UPK1B: variants seen among roughly 807,000 people sequenced by gnomAD.
UPK1B encodes uroplakin-1b.
A neutral mutation model predicts 34.2 loss-of-function variants in UPK1B; 28 were observed. That is an observed-to-expected ratio of 0.82 (90% CI 0.61 to 1.12). The LOEUF (loss-of-function observed/expected upper bound fraction) is 1.12. Among genes scored for constraint, UPK1B ranks in the 50% most tolerant of loss-of-function variants. UPK1B has a pLI of 0.00. For synonymous variants in UPK1B, 81 were observed against 110.4 expected, an observed-to-expected ratio of 0.73 and a Z score of 1.67; for missense variants, 325 against 320.9, an observed-to-expected ratio of 1.01 and a Z score of -0.10.
At position 119,203,785 on chromosome 3, in the gene UPK1B, GAAAT is replaced by G. The variant is rs909022901; in HGVS notation, c.733-128_733-125del. 7.6e-6 allele frequency: 7 copies of G among 922,214 alleles called. No individual in the cohort carries two copies. The African/African-American group carries it at 1.2e-4, about 16-fold the overall frequency. The allele number at this position is 922,214 out of a possible 1,614,324, so 57.1% of individuals were successfully genotyped here. A position where few individuals can be genotyped will look rare whatever the true frequency, so the allele number is the denominator to read the frequency against. ...CTGTTTTTGTTTTGGTTTTTTAGAA[GAAAT>G]AAAAACAAACAAACAAAAAAATCTG... On this transcript the variant is annotated intron_variant, in intron 7 of 7. Coordinates refer to ENST00000264234, the MANE Select transcript of UPK1B (RefSeq NM_006952.4).
chr3:119,186,780 C>T lies in UPK1B; in HGVS notation c.39C>T (p.Gly13=). ...KDNSTVRCFQ[G]LLIFGNVIIG... Reference sequence around the variant, plus strand: ...ACTCAACTGTTCGTTGCTTCCAGGGCCTGCTGATTTTTGGAAATGTGATTA... The same window carrying T: ...ACTCAACTGTTCGTTGCTTCCAGGGTCTGCTGATTTTTGGAAATGTGATTA... The change falls in exon 2 of 8, where the codon GGC becomes GGT. Residue 13 remains glycine, a synonymous_variant. Coordinates refer to ENST00000264234, the MANE Select transcript of UPK1B (RefSeq NM_006952.4). 6.2e-7 allele frequency: 1 copy of T among 1,614,044 alleles called. No individual in the cohort carries two copies. The highest frequency in any genetic ancestry group is 8.5e-7 in the Non-Finnish European group (1 of 1,180,010).
intron 5 of UPK1B, among the ~76,000 whole-genome samples, chr3:119,192,440 A>G (rs1196943617): frequency 6.6e-6 from 1 of 152,086 alleles, no homozygotes; most frequent in Non-Finnish European, 1.5e-5. Context: ...AACCATGATC[A>G]TTTCAATTTA....
chr3:119,186,988 G>T (rs1229346124), intron 2 of UPK1B, among the ~76,000 whole-genome samples, 178 bp downstream of exon 2: 2 of 152,198 alleles, frequency 1.3e-5, no homozygotes, highest in Non-Finnish European at 2.9e-5. Flanking sequence ...TATGTCAAAA[G>T]ATCATGGTTG....
intron 6 of UPK1B, among the ~76,000 whole-genome samples, chr3:119,197,773 T>A (rs4472046): frequency 0.99 from 150,403 of 152,276 alleles, 74,309 homozygotes; most frequent in Middle Eastern, 1. Flanking sequence ...CAGGCCCAAA[T>A]AGGCCATGAG....
At chr3:119,195,549 G>T (rs1488821507) in intron 6 of UPK1B, among the ~76,000 whole-genome samples, 1 of 152,194 alleles carries the variant, frequency 6.6e-6, no homozygotes, top group Non-Finnish European at 1.5e-5. Flanking sequence ...CTGCAACATT[G>T]TCTGGCATTG....
intron 6 of UPK1B, among the ~76,000 whole-genome samples, chr3:119,196,277 CCCTCTTGCCAT>C (rs1355193879): frequency 2.0e-5 from 3 of 152,022 alleles, no homozygotes; most frequent in Non-Finnish European, 4.4e-5. Context: ...TTGCTAAGTC[CCCTCTTGCCAT>C]CCTTTTCCAC....
intron 1 of UPK1B, among the ~76,000 whole-genome samples, chr3:119,185,032 C>T (rs1419687225): frequency 1.3e-5 from 2 of 152,208 alleles, no homozygotes; most frequent in African/African-American, 4.8e-5. Context: ...TGCAGTCTAA[C>T]ACGCAACAAT....
At chr3:119,198,780 A>G (rs1217121441) in intron 6 of UPK1B, among the ~76,000 whole-genome samples, 3 of 152,238 alleles carry the variant, frequency 2.0e-5, no homozygotes, top group East Asian at 1.9e-4. Flanking sequence ...TTCAGTATAG[A>G]AAGAGGGTTA....
At chr3:119,186,647 A>G (rs2078020540) in intron 1 of UPK1B, 67 bp from the exon 2 acceptor site, 2 of 1,238,572 alleles carry the variant, frequency 1.6e-6, no homozygotes, top group Non-Finnish European at 2.3e-6. Flanking sequence ...CAAGGAGGCA[A>G]TACGCAATGG....
rs1404165418 is a variant in UPK1B, at chr3:119,194,257, A to G, written c.507A>G (p.Gln169=). Residue 169 remains glutamine (Q), a synonymous_variant, in exon 6 of 8, where the codon CAA becomes CAG. Coordinates refer to ENST00000264234, the MANE Select transcript of UPK1B (RefSeq NM_006952.4). ...GCGTAAATGGTCCATCAGACTGGCA[A>G]AAATACACATCTGCCTTCCGGACTG... ...CCGVNGPSDW[Q]KYTSAFRTEN... is the part of the protein sequence containing the mutation. The G allele has an allele frequency of 1.9e-6, 3 of 1,614,074 alleles. No homozygotes were observed. The highest frequency in any genetic ancestry group is 1.7e-5 in the Admixed American group (1 of 60,016).
intron 5 of UPK1B, among the ~76,000 whole-genome samples, chr3:119,193,846 C>A (rs956989850): frequency 6.6e-6 from 1 of 151,982 alleles, no homozygotes; most frequent in Non-Finnish European, 1.5e-5. Flanking sequence ...TAAGAGTTTA[C>A]CATAAGCCAG....
intron 1 of UPK1B, among the ~76,000 whole-genome samples, chr3:119,178,837 C>A (rs1178315414): frequency 6.6e-6 from 1 of 152,062 alleles, no homozygotes; most frequent in African/African-American, 2.4e-5. Context: ...AGAAAGTTCA[C>A]CATGGAAGCA....
chr3:119,203,754 T>A (rs1027012927), intron 7 of UPK1B, among the ~76,000 whole-genome samples, 163 bp from the exon 8 acceptor site: 2 of 152,106 alleles, frequency 1.3e-5, no homozygotes, highest in Non-Finnish European at 2.9e-5. Context: ...GTTCTGTACA[T>A]GTATCCTGTT....
chr3:119,194,944 T>G (rs2078059488), intron 6 of UPK1B, among the ~76,000 whole-genome samples: 1 of 152,240 alleles, frequency 6.6e-6, no homozygotes. Context: ...GAGGATAATG[T>G]GATTACGATC....
chr3:119,179,385 ATATATATATATAT>A (rs2077976373), intron 1 of UPK1B, among the ~76,000 whole-genome samples: 2 of 87,708 alleles, frequency 2.3e-5, no homozygotes, highest in Non-Finnish European at 4.5e-5. Context: ...ATATATATAT[ATATATATATATAT>A]TAATTCTAAG....
intron 1 of UPK1B, among the ~76,000 whole-genome samples, chr3:119,179,507 CTTTT>C (rs71297415): frequency 3.8e-5 from 2 of 52,254 alleles, no homozygotes; most frequent in South Asian, 6.2e-4. Flanking sequence ...ATGTTGCAGT[CTTTT>C]TTTTTTTTTT....
chr3:119,175,685 C>T (rs1398861044), intron 1 of UPK1B, among the ~76,000 whole-genome samples: 1 of 152,116 alleles, frequency 6.6e-6, no homozygotes, highest in Non-Finnish European at 1.5e-5. Flanking sequence ...GTGGATGACT[C>T]CCATCATACT....
At chr3:119,188,779 C>T (rs1488291992) in intron 3 of UPK1B, among the ~76,000 whole-genome samples, 8 of 152,320 alleles carry the variant, frequency 5.3e-5, no homozygotes, top group East Asian at 1.9e-4. Flanking sequence ...CGCCTCCAAT[C>T]CCCCACCCCT....
intron 1 of UPK1B, among the ~76,000 whole-genome samples, chr3:119,179,745 G>C (rs2077980200): frequency 7.2e-6 from 1 of 139,646 alleles, no homozygotes; most frequent in Non-Finnish European, 1.5e-5. Context: ...CTGACCTCGT[G>C]ATCCACCCGC....
Sources: gnomAD v4.1 joint callset for allele counts (sites outside exome capture counted in the v4.1 genomes callset) on GRCh38, gnomAD v4.1.1 for gene constraint, MANE v1.5 for transcripts, NCBI Gene and HGNC (gene_info 2026-07-23, HGNC 2026-07-21) for gene names.